Variants in NDUFS4 observed in about 807,000 individuals in gnomAD.
NDUFS4 encodes NADH dehydrogenase [ubiquinone] iron-sulfur protein 4, mitochondrial.
Under a neutral mutation model 24.3 loss-of-function variants are expected in NDUFS4, and 28 were observed. The ratio of observed to expected loss-of-function variants is 1.15; its 90% CI spans 0.85 to 1.58. The LOEUF is 1.58. Ranked by LOEUF, NDUFS4 falls within the 40% of genes most tolerant of loss-of-function variation. The probability of loss-of-function intolerance (pLI) is 0.00; values close to 1 mark genes in which losing one functional copy is unlikely to be tolerated. For synonymous variants in NDUFS4, 93 were observed against 69.7 expected, an observed-to-expected ratio of 1.34 and a Z score of -1.67; for missense variants, 223 against 207.9, an observed-to-expected ratio of 1.07 and a Z score of -0.45.
At chr5:53,590,190 G>A (rs957609541) in intron 1 of NDUFS4, among the ~76,000 whole-genome samples, 1 of 152,150 alleles carries the variant, frequency 6.6e-6, no homozygotes, top group Non-Finnish European at 1.5e-5. Context: ...TTGCTGAAAG[G>A]TGAACTAGGC....
In NDUFS4 at chr5:53,637,856, C is replaced by T. The variant is rs573144495; in HGVS notation, c.178-8377C>T. 3.3e-5 allele frequency among the ~76,000 whole-genome samples: 5 copies of T among 152,200 alleles called. No homozygotes were observed. In the East Asian group the frequency reaches 9.7e-4, roughly 29 times the overall value. On this transcript the variant is annotated intron_variant, in intron 2 of 4. Transcript: ENST00000296684. ...TACCAGAAATCTGTGTTACAGAGTA[C>T]TTGTCAGTCTTTTTCATTAATCCCC... is the stretch of plus-strand genomic sequence containing the variant.
chr5:53,632,886 T>C (rs1751445078), intron 2 of NDUFS4, among the ~76,000 whole-genome samples: 1 of 152,204 alleles, frequency 6.6e-6, no homozygotes, highest in Non-Finnish European at 1.5e-5. Context: ...GTGGCTTTGT[T>C]AATGAATCTT....
At chr5:53,646,074 C>T (rs1751853208) in intron 2 of NDUFS4, 159 bp from the exon 3 acceptor site, 15 of 620,162 alleles carry the variant, frequency 2.4e-5, no homozygotes, top group Admixed American at 7.9e-5. Flanking sequence ...TAGTAATTTA[C>T]ATTGTAAAGT....
At chr5:53,601,509 A>G (rs1750325181) in intron 1 of NDUFS4, among the ~76,000 whole-genome samples, 1 of 152,192 alleles carries the variant, frequency 6.6e-6, no homozygotes, top group Admixed American at 6.5e-5. Context: ...CCTTTGTAGT[A>G]AAAAATTGCA....
intron 3 of NDUFS4, among the ~76,000 whole-genome samples, chr5:53,655,655 A>G (rs780781277): frequency 1.3e-5 from 2 of 152,198 alleles, no homozygotes; most frequent in African/African-American, 2.4e-5. Flanking sequence ...TCTATTAATT[A>G]TCTGATCCCT....
Position 53,676,163 on chromosome 5 carries a change from T to C in NDUFS4, c.425-6955T>C, listed in dbSNP as rs116516819. Among the ~76,000 whole-genome samples the C allele has an allele frequency of 4.3e-3, 653 of 152,272 alleles. 1 individual carries two copies. The highest frequency in any genetic ancestry group is 7.8e-3 in the Non-Finnish European group (529 of 68,016). ...AGATTTATGTAGGGTAAAGAAATGT[T>C]GAGATGAGTTGCTAATTGAGACAAA... On this transcript the variant is annotated intron_variant, in intron 4 of 4. Transcript: ENST00000296684.
At chr5:53,593,422 TCTC>T (rs1423540645) in intron 1 of NDUFS4, among the ~76,000 whole-genome samples, 2 of 151,918 alleles carry the variant, frequency 1.3e-5, no homozygotes, top group Non-Finnish European at 1.5e-5. Context: ...TCTCTCTCTC[TCTC>T]ATCTGTCTGT....
chr5:53,590,276 A>AT (rs1304885892), intron 1 of NDUFS4, among the ~76,000 whole-genome samples: 3 of 152,158 alleles, frequency 2.0e-5, no homozygotes, highest in Non-Finnish European at 4.4e-5. Context: ...TGTCTGTTAC[A>AT]TTTTCATAAG....
intron 2 of NDUFS4, among the ~76,000 whole-genome samples, chr5:53,637,826 A>T (rs545773073): frequency 6.6e-6 from 1 of 152,194 alleles, no homozygotes; most frequent in East Asian, 1.9e-4. Context: ...GTATAATCTG[A>T]AAGTTACCAG....
chr5:53,682,088 T>G (rs1740686127), intron 4 of NDUFS4, among the ~76,000 whole-genome samples: 2 of 152,110 alleles, frequency 1.3e-5, no homozygotes, highest in African/African-American at 4.8e-5. Context: ...AATAAAGTCC[T>G]GAGAGAAGAA....
chr5:53,561,462 T>G (rs1375935064), intron 1 of NDUFS4, among the ~76,000 whole-genome samples: 1 of 152,076 alleles, frequency 6.6e-6, no homozygotes, highest in African/African-American at 2.4e-5. Context: ...TCAGATTCAG[T>G]TGTCAGTTGA....
intron 2 of NDUFS4, among the ~76,000 whole-genome samples, chr5:53,632,278 A>C (rs1248251622): frequency 6.6e-6 from 1 of 152,192 alleles, no homozygotes; most frequent in East Asian, 1.9e-4. Context: ...TTGTTTCAGC[A>C]GTCTACTACT....
chr5:53,567,297 C>A (rs1314480163), intron 1 of NDUFS4, among the ~76,000 whole-genome samples: 1 of 152,156 alleles, frequency 6.6e-6, no homozygotes, highest in Non-Finnish European at 1.5e-5. Flanking sequence ...TCAGTTCAAA[C>A]CCTAATGTCC....
At chr5:53,658,316 A>G (rs1233217572) in intron 3 of NDUFS4, among the ~76,000 whole-genome samples, 2 of 152,180 alleles carry the variant, frequency 1.3e-5, no homozygotes, top group African/African-American at 4.8e-5. Flanking sequence ...TTAAAGACTA[A>G]CAATGCCTTT....
chr5:53,573,060 C>G (rs1749267394), intron 1 of NDUFS4, among the ~76,000 whole-genome samples: 1 of 149,770 alleles, frequency 6.7e-6, no homozygotes, highest in East Asian at 2.0e-4. Context: ...GCCTTGACTT[C>G]CCGGACTCTA....
chr5:53,636,275 C>G (rs1751549080), intron 2 of NDUFS4, among the ~76,000 whole-genome samples: 2 of 152,286 alleles, frequency 1.3e-5, no homozygotes, highest in African/African-American at 4.8e-5. Flanking sequence ...GTTGTCTACA[C>G]ATGAGTTGTG....
chr5:53,602,874 C>A (rs1271166491), intron 1 of NDUFS4, among the ~76,000 whole-genome samples: 1 of 152,096 alleles, frequency 6.6e-6, no homozygotes, highest in Non-Finnish European at 1.5e-5. Flanking sequence ...TATAAAGGGG[C>A]TAGATTCTCT....
intron 2 of NDUFS4, among the ~76,000 whole-genome samples, chr5:53,623,994 G>A (rs1579888016): frequency 6.6e-6 from 1 of 152,316 alleles, no homozygotes; most frequent in South Asian, 2.1e-4. Context: ...TGGGATTACA[G>A]GCATGAGCCA....
intron 4 of NDUFS4, among the ~76,000 whole-genome samples, chr5:53,664,023 G>T (rs1219469046): frequency 6.6e-6 from 1 of 152,240 alleles, no homozygotes; most frequent in Admixed American, 6.5e-5. Context: ...TTTAGGGCAG[G>T]CCTGGTGGTT....
Sources: gnomAD v4.1 joint callset for allele counts (sites outside exome capture counted in the v4.1 genomes callset) on GRCh38, gnomAD v4.1.1 for gene constraint, MANE v1.5 for transcripts, NCBI Gene and HGNC (gene_info 2026-07-23, HGNC 2026-07-21) for gene names.